The following ARL15 variants were observed in gnomAD, a reference collection of about 807,000 sequenced individuals.
ARL15 encodes the protein ADP-ribosylation factor-like protein 15.
A neutral mutation model predicts 25.2 loss-of-function variants in ARL15; 19 were observed. The observed-to-expected ratio is 0.75, with a 90% CI of 0.53 to 1.10. The LOEUF (loss-of-function observed/expected upper bound fraction) is 1.10. Among genes scored for constraint, ARL15 ranks in the 50% least tolerant of loss-of-function variants. The probability of loss-of-function intolerance (pLI) is 0.00; values close to 1 mark genes in which losing one functional copy is unlikely to be tolerated. For missense variants in ARL15, 220 were observed against 246.0 expected (o/e 0.89, Z 0.71); for synonymous variants, 94 against 86.8 (o/e 1.08, Z -0.46).
At chr5:54,113,028 T>C (rs1020967365) in intron 4 of ARL15, 174 bp downstream of exon 4, 3 of 627,106 alleles carry the variant, frequency 4.8e-6, no homozygotes, top group Non-Finnish European at 8.2e-6. Flanking sequence ...GTTAGGTATG[T>C]AAACAAGTGC....
intron 1 of ARL15, among the ~76,000 whole-genome samples, chr5:54,191,906 C>T (rs150044204): frequency 6.6e-6 from 1 of 152,244 alleles, no homozygotes; most frequent in African/African-American, 2.4e-5. Context: ...CTCACTCAGG[C>T]TAAAAATTAA....
At chr5:53,902,248 C>A (rs1396423104) in intron 4 of ARL15, among the ~76,000 whole-genome samples, 1 of 152,206 alleles carries the variant, frequency 6.6e-6, no homozygotes, top group Non-Finnish European at 1.5e-5. Flanking sequence ...CCTGATCAGA[C>A]AACCAGGGGA....
intron 4 of ARL15, among the ~76,000 whole-genome samples, chr5:54,093,899 T>A (rs1243868427): frequency 6.6e-6 from 1 of 152,174 alleles, no homozygotes; most frequent in East Asian, 1.9e-4. Context: ...CAGATTCTCT[T>A]AAATATAATT....
intron 1 of ARL15, among the ~76,000 whole-genome samples, chr5:54,256,873 C>A (rs10041555): frequency 0.13 from 20,239 of 152,084 alleles, 2,325 homozygotes; most frequent in African/African-American, 0.31. Context: ...AAAGCATTCA[C>A]TAAAATCCAG....
rs145366339 is a variant in ARL15 at position 54,016,699 on chromosome 5, C to T, written c.462+96503G>A. Among the ~76,000 whole-genome samples the T allele has an allele frequency of 6.8e-4, 103 of 152,294 alleles. 1 individual carries two copies. The highest frequency in any genetic ancestry group is 3.4e-3 in the Middle Eastern group (1 of 294). Reference sequence around the variant, plus strand: ...GAAGCTCATCACAGCATGCTACAGACCTCGCTCAAATGCAACCTTATTTTC... The same window carrying T: ...GAAGCTCATCACAGCATGCTACAGATCTCGCTCAAATGCAACCTTATTTTC... On this transcript the variant is annotated intron_variant, in intron 4 of 4. Coordinates refer to ENST00000504924, the MANE Select transcript of ARL15 (RefSeq NM_019087.3).
chr5:53,928,971 GT>G (rs1320486893), intron 4 of ARL15, among the ~76,000 whole-genome samples: 1 of 152,130 alleles, frequency 6.6e-6, no homozygotes, highest in Non-Finnish European at 1.5e-5. Context: ...TAGGGCCCAC[GT>G]ATTTATACTT....
intron 1 of ARL15, among the ~76,000 whole-genome samples, chr5:54,239,253 T>C (rs1579941183): frequency 6.6e-6 from 1 of 151,002 alleles, no homozygotes; most frequent in Non-Finnish European, 1.5e-5. Flanking sequence ...TTTGGAAAAG[T>C]AACTAACCCT....
At chr5:53,898,466 G>A (rs902647210) in intron 4 of ARL15, among the ~76,000 whole-genome samples, 3 of 151,974 alleles carry the variant, frequency 2.0e-5, no homozygotes, top group African/African-American at 4.8e-5. Flanking sequence ...GTAATTCAAT[G>A]TTTTTACTTG....
chr5:54,178,372 C>T (rs1017629197), intron 1 of ARL15, among the ~76,000 whole-genome samples: 1 of 152,174 alleles, frequency 6.6e-6, no homozygotes, highest in South Asian at 2.1e-4. Context: ...TTCTCCACAG[C>T]CAGACTACCC....
chr5:53,963,995 T>C (rs1243276219), intron 4 of ARL15, among the ~76,000 whole-genome samples: 1 of 152,224 alleles, frequency 6.6e-6, no homozygotes, highest in African/African-American at 2.4e-5. Context: ...CCTTGTAATT[T>C]CTCTTTTTAT....
chr5:54,219,742 A>G (rs931675682), intron 1 of ARL15, among the ~76,000 whole-genome samples: 5 of 152,200 alleles, frequency 3.3e-5, no homozygotes, highest in African/African-American at 1.2e-4. Context: ...ATATTTCAAA[A>G]TGTGGTTTTT....
intron 1 of ARL15, among the ~76,000 whole-genome samples, chr5:54,234,164 T>G (rs1212829386): frequency 1.3e-5 from 2 of 152,034 alleles, no homozygotes; most frequent in Non-Finnish European, 2.9e-5. Flanking sequence ...CCCGGCTAAT[T>G]TTTTTATTTT....
At chr5:54,277,457 A>G (rs758386455) in intron 1 of ARL15, among the ~76,000 whole-genome samples, 1 of 152,226 alleles carries the variant, frequency 6.6e-6, no homozygotes, top group Non-Finnish European at 1.5e-5. Context: ...AAACGCGTTC[A>G]ATAATTTCTG....
At chr5:54,262,681 G>A (rs1255086639) in intron 1 of ARL15, among the ~76,000 whole-genome samples, 1 of 152,104 alleles carries the variant, frequency 6.6e-6, no homozygotes, top group East Asian at 1.9e-4. Flanking sequence ...AAGCAGAGCT[G>A]AGAGCCCCTT....
intron 4 of ARL15, among the ~76,000 whole-genome samples, chr5:54,077,491 T>C (rs1751647745): frequency 6.6e-6 from 1 of 152,140 alleles, no homozygotes; most frequent in African/African-American, 2.4e-5. Context: ...AAGGAAGCAA[T>C]CTACCTTCCA....
intron 4 of ARL15, among the ~76,000 whole-genome samples, chr5:53,994,222 T>A (rs3776726): frequency 0.22 from 33,496 of 152,044 alleles, 3,901 homozygotes; most frequent in East Asian, 0.46. Flanking sequence ...TTAAGAAAAA[T>A]ATAGCAAAAA....
chr5:54,158,404 T>C (rs2112360008), intron 2 of ARL15, among the ~76,000 whole-genome samples: 1 of 152,320 alleles, frequency 6.6e-6, no homozygotes, highest in East Asian at 1.9e-4. Context: ...TTGATTTGTT[T>C]TATATTTGTT....
At chr5:54,174,965 T>C (rs1754822732) in intron 1 of ARL15, among the ~76,000 whole-genome samples, 1 of 152,232 alleles carries the variant, frequency 6.6e-6, no homozygotes, top group Admixed American at 6.5e-5. Flanking sequence ...ATTCCTGCCC[T>C]AGAGGCCTTC....
chr5:54,309,913 G>A (rs1758851638), intron 1 of ARL15, among the ~76,000 whole-genome samples: 1 of 152,148 alleles, frequency 6.6e-6, no homozygotes, highest in African/African-American at 2.4e-5. Context: ...AGACCCGTCT[G>A]CTTTATGGTA....
Sources: gnomAD v4.1 joint callset for allele counts (sites outside exome capture counted in the v4.1 genomes callset) on GRCh38, gnomAD v4.1.1 for gene constraint, MANE v1.5 for transcripts, NCBI Gene and HGNC (gene_info 2026-07-23, HGNC 2026-07-21) for gene names.